Variants in KAZN observed in about 807,000 individuals in gnomAD.
KAZN encodes the protein kazrin.
A neutral mutation model predicts 87.4 loss-of-function variants in KAZN; 40 were observed. That is an observed-to-expected ratio of 0.46 (90% confidence interval 0.36 to 0.60). KAZN has a LOEUF of 0.60. KAZN is among the 20% of genes least tolerant of loss of function. The probability of loss-of-function intolerance (pLI) is 0.00; values close to 1 mark genes in which losing one functional copy is unlikely to be tolerated. For synonymous variants in KAZN, 466 were observed against 458.3 expected (o/e 1.02, Z -0.22); for missense variants, 898 against 1,073.9 (o/e 0.84, Z 2.29).
chr1:14,090,309 T>G lies in KAZN; in HGVS notation c.92-90126T>G, dbSNP rs184952728. Among the ~76,000 whole-genome samples the G allele has an allele frequency of 4.5e-4, 69 of 152,224 alleles. 2 individuals are homozygous for G. The highest frequency in any genetic ancestry group is 4.5e-3 in the Admixed American group (69 of 15,288). ...CTGACACTCCATCCATTTTTTTCAG[T>G]CTCTTTTTCTCTGTATGCTTCATTT... On this transcript the variant is annotated intron_variant, in intron 1 of 16. Transcript: ENST00000636203.
chr1:14,800,787 C>T lies in KAZN; in HGVS notation c.227-159897C>T, dbSNP rs557345002. Reference sequence around the variant, plus strand: ...GTGAAGCCAGTCACAAAAGACTACACGTTGTATGATTCCATTCATAGGAAA... The same window carrying T: ...GTGAAGCCAGTCACAAAAGACTACATGTTGTATGATTCCATTCATAGGAAA... On this transcript the variant is annotated intron_variant, in intron 1 of 14. Coordinates refer to ENST00000376030, the MANE Select transcript of KAZN (RefSeq NM_201628.3). Among the ~76,000 whole-genome samples the T allele has an allele frequency of 2.0e-5, 3 of 152,244 alleles. No individual in the cohort carries two copies. The South Asian group carries it at 6.2e-4, about 32-fold the overall frequency.
At chr1:14,801,127 C>T (rs559597851) in intron 1 of KAZN, among the ~76,000 whole-genome samples, 401 of 151,662 alleles carry the variant, frequency 2.6e-3, no homozygotes, top group African/African-American at 8.5e-3. Flanking sequence ...CCGTTCTAAT[C>T]GTCGCGGCAA....
chr1:15,010,079 A>G (rs912987124), intron 2 of KAZN, among the ~76,000 whole-genome samples: 1 of 152,204 alleles, frequency 6.6e-6, no homozygotes, highest in Non-Finnish European at 1.5e-5. Flanking sequence ...ATTAGTTTTA[A>G]TATCTTTTTA....
intron 1 of KAZN, among the ~76,000 whole-genome samples, chr1:14,124,715 G>A (rs574407600): frequency 6.6e-6 from 1 of 152,214 alleles, no homozygotes; most frequent in African/African-American, 2.4e-5. Flanking sequence ...CAATGTTGGT[G>A]TGGACGTTGC....
At chr1:14,518,232 G>A (rs948871381) in intron 2 of KAZN, among the ~76,000 whole-genome samples, 2 of 143,410 alleles carry the variant, frequency 1.4e-5, no homozygotes, top group Admixed American at 7.2e-5. Context: ...CCAGGCTGGA[G>A]TGCAGTGGCA....
At chr1:14,186,670 G>A (rs576660524) in intron 2 of KAZN, among the ~76,000 whole-genome samples, 28 of 152,222 alleles carry the variant, frequency 1.8e-4, no homozygotes, top group South Asian at 8.3e-4. Flanking sequence ...GGATGGTCTC[G>A]CCATGACTGT....
intron 2 of KAZN, among the ~76,000 whole-genome samples, chr1:14,973,254 T>C (rs181676203): frequency 4.3e-4 from 66 of 152,358 alleles, no homozygotes; most frequent in African/African-American, 1.6e-3. Flanking sequence ...GAAGTCCTAC[T>C]GTTTGCCAGA....
At chr1:14,806,983 A>C (rs946070831) in intron 1 of KAZN, among the ~76,000 whole-genome samples, 2 of 152,176 alleles carry the variant, frequency 1.3e-5, no homozygotes, top group African/African-American at 4.8e-5. Context: ...AGGGATCTGC[A>C]TGGATCCAGG....
At chr1:14,115,207 T>A (rs182953636) in intron 1 of KAZN, among the ~76,000 whole-genome samples, 1 of 152,230 alleles carries the variant, frequency 6.6e-6, no homozygotes, top group Non-Finnish European at 1.5e-5. Context: ...TGTCCTCACA[T>A]GGCAGAGAGA....
intron 1 of KAZN, among the ~76,000 whole-genome samples, chr1:14,708,968 A>C (rs1642353235): frequency 6.6e-6 from 1 of 152,172 alleles, no homozygotes; most frequent in Non-Finnish European, 1.5e-5. Flanking sequence ...TCCTTTCCTC[A>C]GAGTCCCTGG....
At chr1:15,104,732 C>T (rs542978385) in intron 13 of KAZN, among the ~76,000 whole-genome samples, 1 of 152,340 alleles carries the variant, frequency 6.6e-6, no homozygotes, top group African/African-American at 2.4e-5. Flanking sequence ...CCAGTGGATT[C>T]TCTTCTTAAA....
chr1:14,214,952 G>A (rs1032573749), intron 2 of KAZN, among the ~76,000 whole-genome samples: 2 of 152,208 alleles, frequency 1.3e-5, no homozygotes, highest in Admixed American at 6.5e-5. Context: ...TTGTGCTGAG[G>A]TTGGAAAAGC....
In KAZN at chr1:15,116,123, T is replaced by A. The variant is rs1462223529; in HGVS notation, c.*1488T>A. 6.6e-6 allele frequency: 1 copy of A among 152,212 alleles called. No homozygotes were observed. Among genetic ancestry groups the A allele is most frequent in the Non-Finnish European group, 1.5e-5 (1 of 68,054 alleles). The allele number at this position is 152,212 out of a possible 1,614,324, so 9.4% of individuals were successfully genotyped here. On this transcript the variant is annotated 3_prime_UTR_variant, in exon 15 of 15. Transcript: ENST00000376030. ...CACGTGATGATTAGGGAAGGACGGA[T>A]GCATTGCGATTCTGCTTACACATCG...
intron 2 of KAZN, among the ~76,000 whole-genome samples, chr1:14,273,293 G>A (rs1034449807): frequency 6.6e-6 from 1 of 151,994 alleles, no homozygotes; most frequent in African/African-American, 2.4e-5. Context: ...TCAAGCAGGA[G>A]AGAAATACAG....
At chr1:14,459,864 C>T (rs1305821648) in intron 2 of KAZN, among the ~76,000 whole-genome samples, 1 of 152,192 alleles carries the variant, frequency 6.6e-6, no homozygotes, top group Non-Finnish European at 1.5e-5. Flanking sequence ...GCTGCTGTCA[C>T]CCATGTTTTA....
intron 1 of KAZN, among the ~76,000 whole-genome samples, chr1:14,635,682 C>T (rs1208354768): frequency 1.3e-5 from 2 of 152,202 alleles, no homozygotes; most frequent in South Asian, 2.1e-4. Flanking sequence ...AAGAGAGCTG[C>T]GTGCTTCAGG....
chr1:14,980,209 G>A lies in KAZN; in HGVS notation c.418+19334G>A, dbSNP rs571482727. ...TGGCCATAAGTACCTATTTATTAAA[G>A]ACCAGCTGTTTACTGTAAATATTTT... is the stretch of plus-strand genomic sequence containing the variant. On this transcript the variant is annotated intron_variant, in intron 2 of 14. Transcript: ENST00000376030. Among the ~76,000 whole-genome samples, 3 of 152,304 alleles carry A rather than the reference G, an allele frequency of 2.0e-5. No homozygotes were observed. The South Asian group carries it at 6.2e-4, about 32-fold the overall frequency.
At chr1:14,767,408 G>A (rs944886291) in intron 1 of KAZN, among the ~76,000 whole-genome samples, 3 of 152,220 alleles carry the variant, frequency 2.0e-5, no homozygotes, top group African/African-American at 7.2e-5. Flanking sequence ...AAGAGAACCA[G>A]AGAAGCCAAA....
At chr1:14,033,830 C>T (rs1457215976) in intron 1 of KAZN, among the ~76,000 whole-genome samples, 1 of 152,200 alleles carries the variant, frequency 6.6e-6, no homozygotes, top group Admixed American at 6.5e-5. Flanking sequence ...CAGGTTCTCT[C>T]CACTTCTTCC....
Sources: gnomAD v4.1 joint callset for allele counts (sites outside exome capture counted in the v4.1 genomes callset) on GRCh38, gnomAD v4.1.1 for gene constraint, MANE v1.5 for transcripts, NCBI Gene and HGNC (gene_info 2026-07-23, HGNC 2026-07-21) for gene names.